GPHN: variants seen among roughly 807,000 people sequenced by gnomAD.
GPHN encodes gephyrin.
GPHN carries 17 observed loss-of-function variants against 95.5 expected under a neutral mutation model. The observed-to-expected ratio is 0.18, with a 90% CI of 0.12 to 0.27. GPHN has a LOEUF of 0.27. GPHN is among the 10% of genes least tolerant of loss of function. The pLI is 1.00. For missense variants in GPHN, 660 were observed against 978.1 expected, an observed-to-expected ratio of 0.67 and a Z score of 4.34; for synonymous variants, 320 against 322.5, an observed-to-expected ratio of 0.99 and a Z score of 0.08.
chr14:67,501,476 C>A, the GPHN span, among the ~76,000 whole-genome samples: 14 of 151,576 alleles, frequency 9.2e-5, no homozygotes, highest in Non-Finnish European at 1.8e-4. Flanking sequence ...GTGATCCTCC[C>A]ACATCAGCCT....
At chr14:66,550,672 G>A (rs891366426) in intron 1 of GPHN, among the ~76,000 whole-genome samples, 1 of 152,162 alleles carries the variant, frequency 6.6e-6, no homozygotes, top group East Asian at 1.9e-4. Flanking sequence ...GTCAACTGAT[G>A]CAGCAACTTC....
the GPHN span, among the ~76,000 whole-genome samples, chr14:67,393,855 CAAGA>C: frequency 6.6e-6 from 1 of 152,160 alleles, no homozygotes; most frequent in Admixed American, 6.5e-5. Flanking sequence ...ACAGGTTTCA[CAAGA>C]AAGTCTGAGG....
At chr14:67,083,251 C>T (rs1028026966) in intron 11 of GPHN, among the ~76,000 whole-genome samples, 3 of 151,168 alleles carry the variant, frequency 2.0e-5, no homozygotes, top group East Asian at 2.0e-4. Context: ...CCAAATCTCA[C>T]GTTGAAATGT....
intron 1 of GPHN, among the ~76,000 whole-genome samples, chr14:66,604,496 A>T (rs953642541): frequency 1.3e-5 from 2 of 152,112 alleles, no homozygotes; most frequent in African/African-American, 4.8e-5. Context: ...CACTGACCGA[A>T]ATATTTTTTC....
chr14:67,063,071 T>G (rs1468263259), intron 11 of GPHN, among the ~76,000 whole-genome samples: 3 of 152,238 alleles, frequency 2.0e-5, no homozygotes, highest in Non-Finnish European at 4.4e-5. Context: ...ATTTAAGTCT[T>G]TAATCCATCT....
intron 17 of GPHN, among the ~76,000 whole-genome samples, chr14:67,131,666 C>A (rs1459619955): frequency 2.0e-5 from 3 of 152,078 alleles, no homozygotes; most frequent in Non-Finnish European, 4.4e-5. Flanking sequence ...GGGAGAAATT[C>A]CAAATAGATT....
the GPHN span, among the ~76,000 whole-genome samples, chr14:67,466,387 G>A: frequency 1.3e-5 from 2 of 152,272 alleles, no homozygotes; most frequent in African/African-American, 4.8e-5. Flanking sequence ...GACTCTAAGA[G>A]GGAAATGCTG....
intron 1 of GPHN, among the ~76,000 whole-genome samples, chr14:66,518,085 C>T (rs1324295483): frequency 6.8e-6 from 1 of 146,870 alleles, no homozygotes; most frequent in Admixed American, 6.8e-5. Context: ...ACTCAAACAT[C>T]TTAACAGCCA....
At chr14:67,317,187 G>T in the GPHN span, among the ~76,000 whole-genome samples, 1 of 152,188 alleles carries the variant, frequency 6.6e-6, no homozygotes, top group Non-Finnish European at 1.5e-5. Context: ...AACAAGCTGG[G>T]TGTGGTGGTT....
At chr14:67,501,596 C>T in the GPHN span, among the ~76,000 whole-genome samples, 1 of 152,058 alleles carries the variant, frequency 6.6e-6, no homozygotes, top group East Asian at 1.9e-4. Context: ...TATATTGGAG[C>T]CAGGGCTGAG....
the GPHN span, chr14:67,722,664 C>T: frequency 6.2e-7 from 1 of 1,613,950 alleles, no homozygotes; most frequent in South Asian, 1.1e-5. Flanking sequence ...CTTGGGACTG[C>T]TCACCTCCTT....
At chr14:66,764,269 A>G (rs2153454616) in intron 2 of GPHN, among the ~76,000 whole-genome samples, 1 of 152,170 alleles carries the variant, frequency 6.6e-6, no homozygotes, top group South Asian at 2.1e-4. Flanking sequence ...TCACACACAA[A>G]TACTGTGTCT....
chr14:67,621,014 A>T, the GPHN span: 8,932 of 1,560,294 alleles, frequency 5.7e-3, 322 homozygotes, highest in East Asian at 0.082. Context: ...GTAATAGACC[A>T]CTTCAGAGTC....
At chr14:67,163,065 G>A (rs1313641954) in intron 19 of GPHN, among the ~76,000 whole-genome samples, 3 of 152,138 alleles carry the variant, frequency 2.0e-5, no homozygotes, top group Non-Finnish European at 4.4e-5. Context: ...CAGTACTTTG[G>A]GAGGCTGAGA....
intron 4 of GPHN, among the ~76,000 whole-genome samples, chr14:66,864,786 G>A (rs937205235): frequency 2.6e-5 from 4 of 151,324 alleles, no homozygotes; most frequent in Non-Finnish European, 4.4e-5. Context: ...AAAAAAAAGT[G>A]GAACTCAGTA....
chr14:67,505,756 G>T, the GPHN span, among the ~76,000 whole-genome samples: 2 of 151,574 alleles, frequency 1.3e-5, no homozygotes, highest in Non-Finnish European at 2.9e-5. Context: ...GCCCAGGCTG[G>T]TATGCAGTGG....
the GPHN span, among the ~76,000 whole-genome samples, chr14:67,415,289 A>C: frequency 6.6e-6 from 1 of 152,282 alleles, no homozygotes; most frequent in African/African-American, 2.4e-5. Flanking sequence ...TATAATAGCT[A>C]ATAAGTATCT....
At chr14:67,423,023 G>A in the GPHN span, among the ~76,000 whole-genome samples, 26 of 151,524 alleles carry the variant, frequency 1.7e-4, no homozygotes, top group South Asian at 4.2e-4. Flanking sequence ...TAGTAGAGAC[G>A]GGTTTCTTCA....
chr14:66,819,127 A>G (rs921746931), intron 3 of GPHN, among the ~76,000 whole-genome samples: 2 of 152,102 alleles, frequency 1.3e-5, no homozygotes, highest in Non-Finnish European at 2.9e-5. Context: ...TTTTGTTGCA[A>G]TTGCTTTTAG....
Sources: gnomAD v4.1 joint callset for allele counts (sites outside exome capture counted in the v4.1 genomes callset) on GRCh38, gnomAD v4.1.1 for gene constraint, MANE v1.5 for transcripts, NCBI Gene and HGNC (gene_info 2026-07-23, HGNC 2026-07-21) for gene names.